TET3: variants seen among roughly 807,000 people sequenced by gnomAD.
TET3 encodes the protein tet methylcytosine dioxygenase 3, also known as methylcytosine dioxygenase TET3.
TET3 carries 19 observed loss-of-function variants against 141.4 expected under a neutral mutation model. That is an observed-to-expected ratio of 0.13 (90% CI 0.09 to 0.20). TET3 has a LOEUF of 0.20. Ranked by LOEUF, TET3 falls within the 10% of genes least tolerant of loss-of-function variation. The pLI is 1.00. For missense variants in TET3, 1,874 were observed against 2,356.9 expected (o/e 0.80, Z 4.24); for synonymous variants, 1,043 against 980.9 (o/e 1.06, Z -1.18).
chr2:74,119,277 G>A, the TET3 span, among the ~76,000 whole-genome samples: 5 of 150,910 alleles, frequency 3.3e-5, no homozygotes, highest in Admixed American at 6.6e-5. Context: ...TGCTTGAACC[G>A]GGGAGGCGGA....
chr2:74,114,853 C>CAAAAAAAAAAAA, the TET3 span, among the ~76,000 whole-genome samples: 1,158 of 43,780 alleles, frequency 0.026, 153 homozygotes, highest in African/African-American at 0.038. Flanking sequence ...GACTCTGTCT[C>CAAAAAAAAAAAA]AAAAAAAAAA....
downstream of TET3, among the ~76,000 whole-genome samples, chr2:74,109,215 G>C (rs767516207): frequency 2.1e-4 from 32 of 152,076 alleles, no homozygotes; most frequent in Non-Finnish European, 4.1e-4. Context: ...TTCACTATTG[G>C]TTAGCTATAA....
At chr2:73,987,220 G>T (rs1483313083) in intron 2 of TET3, among the ~76,000 whole-genome samples, 1 of 152,198 alleles carries the variant, frequency 6.6e-6, no homozygotes. Flanking sequence ...GTGACGAACT[G>T]ATGTTTTGGG....
intron 5 of TET3, among the ~76,000 whole-genome samples, chr2:74,076,441 G>GTTTTTTTTTTTTTT (rs70965785): frequency 8.8e-5 from 5 of 56,554 alleles, no homozygotes; most frequent in Admixed American, 2.5e-4. Context: ...ATTCCTCTGG[G>GTTTTTTTTTTTTTT]TTTTTTTTTT....
intron 3 of TET3, among the ~76,000 whole-genome samples, chr2:74,015,112 G>C (rs993037897): frequency 2.0e-5 from 3 of 152,164 alleles, no homozygotes; most frequent in African/African-American, 7.2e-5. Flanking sequence ...GAATGACTTG[G>C]CCCAAGGGTC....
intron 3 of TET3, among the ~76,000 whole-genome samples, chr2:74,007,186 A>G (rs1015020833): frequency 1.3e-5 from 2 of 152,208 alleles, no homozygotes; most frequent in Non-Finnish European, 2.9e-5. Context: ...TGTGTTTTGT[A>G]TATTGAATGC....
chr2:74,061,480 C>T (rs1371101984), intron 4 of TET3, among the ~76,000 whole-genome samples: 1 of 149,664 alleles, frequency 6.7e-6, no homozygotes, highest in Non-Finnish European at 1.5e-5. Flanking sequence ...GACCCCCCCA[C>T]CTCCTTCCCG....
the TET3 span, among the ~76,000 whole-genome samples, chr2:74,120,430 C>T: frequency 6.6e-6 from 1 of 152,198 alleles, no homozygotes; most frequent in Non-Finnish European, 1.5e-5. Context: ...TACGCCCCGG[C>T]CGCTCCACAC....
chr2:74,054,010 T>G (rs1054400772), intron 4 of TET3, among the ~76,000 whole-genome samples: 3 of 151,996 alleles, frequency 2.0e-5, no homozygotes, highest in African/African-American at 7.3e-5. Flanking sequence ...AAAGGATAAA[T>G]AGAAGTTTAA....
At chr2:74,124,717 T>C in the TET3 span, among the ~76,000 whole-genome samples, 1 of 152,120 alleles carries the variant, frequency 6.6e-6, no homozygotes, top group East Asian at 1.9e-4. Flanking sequence ...AAATAGATGC[T>C]TGAAGGCAGC....
chr2:74,067,407 ATG>A (rs1688965722), intron 4 of TET3, among the ~76,000 whole-genome samples: 2 of 152,354 alleles, frequency 1.3e-5, no homozygotes, highest in Admixed American at 1.3e-4. Flanking sequence ...TGTTGAGCTT[ATG>A]TTATGTGCCA....
intron 4 of TET3, among the ~76,000 whole-genome samples, chr2:74,053,113 G>A (rs966951255): frequency 1.3e-5 from 2 of 152,142 alleles, no homozygotes; most frequent in Non-Finnish European, 2.9e-5. Flanking sequence ...AGCTATGAAA[G>A]GAAATGCCAT....
intron 3 of TET3, among the ~76,000 whole-genome samples, chr2:74,040,736 A>G (rs1687295011): frequency 6.6e-6 from 1 of 152,120 alleles, no homozygotes; most frequent in Non-Finnish European, 1.5e-5. Flanking sequence ...ACATAGCAAG[A>G]CTTTGTCTCT....
At chr2:74,027,367 T>C (rs1686425778) in intron 3 of TET3, among the ~76,000 whole-genome samples, 1 of 151,922 alleles carries the variant, frequency 6.6e-6, no homozygotes, top group Admixed American at 6.6e-5. Context: ...ATTACAGTTT[T>C]ATTGAGATAT....
chr2:74,002,868 C>CG (rs895960433), intron 2 of TET3: 6 of 567,890 alleles, frequency 1.1e-5, no homozygotes, highest in African/African-American at 1.9e-5. Flanking sequence ...TCTCGGATCT[C>CG]GGGGGGATTC....
intron 3 of TET3, among the ~76,000 whole-genome samples, chr2:74,013,813 A>G (rs1685594344): frequency 6.6e-6 from 1 of 151,984 alleles, no homozygotes; most frequent in Non-Finnish European, 1.5e-5. Flanking sequence ...CTCCATCTCA[A>G]AAAAAAATAG....
At chr2:74,131,522 G>A in the TET3 span, among the ~76,000 whole-genome samples, 2 of 152,118 alleles carry the variant, frequency 1.3e-5, no homozygotes, top group African/African-American at 4.8e-5. Context: ...TGGCCACCCT[G>A]TCCCCTACAC....
chr2:74,085,296 G>A (rs1690061523), intron 6 of TET3, among the ~76,000 whole-genome samples: 1 of 152,138 alleles, frequency 6.6e-6, no homozygotes, highest in African/African-American at 2.4e-5. Flanking sequence ...ATGGCAATAA[G>A]GCCTGGCCTC....
rs1333921429 is a variant in TET3, at chr2:74,072,181, C to T, written c.2495-1368C>T. On this transcript the variant is annotated intron_variant, in intron 4 of 11. Coordinates refer to ENST00000409262, the MANE Select transcript of TET3 (RefSeq NM_001287491.2). ...TCTGAGTATTTCATATAAATGGAAT[C>T]ATACAATGTGTGACCTGTTTTGTAT... Among the ~76,000 whole-genome samples, 3 of 152,184 alleles carry T rather than the reference C, an allele frequency of 2.0e-5. No individual in the cohort carries two copies. In the East Asian group the frequency reaches 5.8e-4, roughly 29 times the overall value.
Sources: gnomAD v4.1 joint callset for allele counts (sites outside exome capture counted in the v4.1 genomes callset) on GRCh38, gnomAD v4.1.1 for gene constraint, MANE v1.5 for transcripts, NCBI Gene and HGNC (gene_info 2026-07-23, HGNC 2026-07-21) for gene names.